JAKMIP2: variants seen among roughly 807,000 people sequenced by gnomAD.
JAKMIP2 encodes janus kinase and microtubule interacting protein 2.
A neutral mutation model predicts 115.0 loss-of-function variants in JAKMIP2; 25 were observed. The observed-to-expected ratio is 0.22, with a 90% CI of 0.16 to 0.30. The LOEUF (loss-of-function observed/expected upper bound fraction) is 0.30. Among genes scored for constraint, JAKMIP2 ranks in the 10% least tolerant of loss-of-function variants. JAKMIP2 has a pLI of 1.00. For missense variants in JAKMIP2, 642 were observed against 957.6 expected (o/e 0.67, Z 4.35); for synonymous variants, 334 against 343.6 (o/e 0.97, Z 0.31).
intron 13 of JAKMIP2, 52 bp downstream of exon 13, chr5:147,632,628 T>G: frequency 8.7e-7 from 1 of 1,155,118 alleles, no homozygotes; most frequent in South Asian, 1.3e-5. Flanking sequence ...ATGTGCTCTG[T>G]GCATGTTAAT....
Position 147,617,977 on chromosome 5 carries a change from C to T in JAKMIP2, c.2280G>A (p.Arg760=), listed in dbSNP as rs1191648305. Residue 760 remains arginine (R), a synonymous_variant, in exon 19 of 22, where the codon AGG becomes AGA. Coordinates refer to ENST00000616793, the MANE Select transcript of JAKMIP2 (RefSeq NM_001270941.2). ...AVEKLRRQML[R]KSREYDCQIL... Reference sequence around the variant, plus strand: ...TCTGACAGTCATACTCTCTGCTCTTCCTCAGCATTTGCCGCCGTAACTTTT... The same window carrying T: ...TCTGACAGTCATACTCTCTGCTCTTTCTCAGCATTTGCCGCCGTAACTTTT... 1 of 1,614,176 alleles carries T rather than the reference C, an allele frequency of 6.2e-7. No individual in the cohort carries two copies. The highest frequency in any genetic ancestry group is 8.5e-7 in the Non-Finnish European group (1 of 1,180,026).
intron 5 of JAKMIP2, 78 bp downstream of exon 5, chr5:147,648,298 C>T (rs889817533): frequency 1.3e-5 from 10 of 760,208 alleles, no homozygotes; most frequent in African/African-American, 3.5e-5. Context: ...TATTATGGTA[C>T]GTATCTATAA....
intron 20 of JAKMIP2, among the ~76,000 whole-genome samples, chr5:147,608,266 A>G (rs948426295): frequency 6.6e-6 from 1 of 152,132 alleles, no homozygotes; most frequent in East Asian, 1.9e-4. Flanking sequence ...TTGTGATGTT[A>G]GGGTGGTGAT....
chr5:147,639,546 T>A, intron 10 of JAKMIP2, 86 bp downstream of exon 10: 1 of 1,450,378 alleles, frequency 6.9e-7, no homozygotes, highest in Non-Finnish European at 9.3e-7. Flanking sequence ...GGGAAAGCTG[T>A]CTTATTGATA....
At chr5:147,653,907 C>A (rs537302947) in intron 3 of JAKMIP2, among the ~76,000 whole-genome samples, 1 of 152,242 alleles carries the variant, frequency 6.6e-6, no homozygotes, top group East Asian at 1.9e-4. Flanking sequence ...AGGAAGGGAT[C>A]CAGTTTCAGT....
At chr5:147,746,743 T>C (rs1489570200) in intron 1 of JAKMIP2, among the ~76,000 whole-genome samples, 1 of 152,152 alleles carries the variant, frequency 6.6e-6, no homozygotes, top group South Asian at 2.1e-4. Flanking sequence ...CTAAAAATGG[T>C]TATTACTCAG....
chr5:147,752,376 G>A (rs1201207036), intron 1 of JAKMIP2, among the ~76,000 whole-genome samples: 1 of 152,132 alleles, frequency 6.6e-6, no homozygotes, highest in Non-Finnish European at 1.5e-5. Flanking sequence ...TGAGTGACAT[G>A]ACCATATTTC....
chr5:147,591,448 T>G lies in JAKMIP2; in HGVS notation c.*259A>C. ...ATATATGTTTATAGTTCTTCTCTTC[T>G]GATTTGACATATACATGTTTCATTA... On this transcript the variant is annotated 3_prime_UTR_variant, in exon 22 of 22. Coordinates refer to ENST00000616793, the MANE Select transcript of JAKMIP2 (RefSeq NM_001270941.2). 1.9e-6 allele frequency: 1 copy of G among 536,150 alleles called. No individual in the cohort carries two copies. The highest frequency in any genetic ancestry group is 3.3e-6 in the Non-Finnish European group (1 of 300,326). 33.2% of individuals were successfully genotyped at this position (536,150 alleles called of 1,614,324 possible). A position where few individuals can be genotyped will look rare whatever the true frequency, so the allele number is the denominator to read the frequency against.
intron 21 of JAKMIP2, chr5:147,594,377 C>G: frequency 4.6e-6 from 2 of 433,780 alleles, no homozygotes; most frequent in Non-Finnish European, 9.5e-6. Flanking sequence ...CTTTGTTGCT[C>G]AGGATGGAGT....
chr5:147,647,460 C>T (rs1335716653), intron 5 of JAKMIP2, among the ~76,000 whole-genome samples: 1 of 151,868 alleles, frequency 6.6e-6, no homozygotes, highest in East Asian at 1.9e-4. Context: ...AAATGTACCA[C>T]AAGTGATGAT....
In JAKMIP2 at chr5:147,598,475, C is replaced by CATCT. The variant is rs879479149; in HGVS notation, c.*20+3262_*20+3265dup. ...ATCTATCTATCATCTATCTATGTATCATCTATCTATCTATCTATGCTATTG... is the reference window on the plus strand; with the variant it reads ...ATCTATCTATCATCTATCTATGTATCATCTATCTATCTATCTATCTATGCTATTG... On this transcript the variant is annotated intron_variant, in intron 21 of 21. Coordinates refer to ENST00000616793, the MANE Select transcript of JAKMIP2 (RefSeq NM_001270941.2). Among the ~76,000 whole-genome samples, 9 of 147,954 alleles carry CATCT rather than the reference C, an allele frequency of 6.1e-5. No individual in the cohort carries two copies. The South Asian group carries it at 6.4e-4, about 11-fold the overall frequency.
chr5:147,736,169 T>C (rs1437176359), intron 1 of JAKMIP2, among the ~76,000 whole-genome samples: 1 of 152,050 alleles, frequency 6.6e-6, no homozygotes. Flanking sequence ...AATTAAAAAT[T>C]TGGGGGCCGG....
chr5:147,704,219 A>T (rs1752482445), intron 1 of JAKMIP2, among the ~76,000 whole-genome samples: 1 of 152,210 alleles, frequency 6.6e-6, no homozygotes, highest in South Asian at 2.1e-4. Flanking sequence ...GTCTTTTATT[A>T]TCATTATCAA....
At chr5:147,633,698 T>TTC (rs1757474432) in intron 12 of JAKMIP2, among the ~76,000 whole-genome samples, 1 of 151,346 alleles carries the variant, frequency 6.6e-6, no homozygotes, top group African/African-American at 2.4e-5. Flanking sequence ...CTTTGGATTT[T>TTC]TTTTTTTTTT....
At chr5:147,727,483 C>G (rs1011435383) in intron 1 of JAKMIP2, among the ~76,000 whole-genome samples, 1 of 152,092 alleles carries the variant, frequency 6.6e-6, no homozygotes, top group Non-Finnish European at 1.5e-5. Context: ...AGCAAGGAAC[C>G]TTCTTCACAT....
chr5:147,672,993 G>C (rs1437646542), intron 1 of JAKMIP2, among the ~76,000 whole-genome samples: 4 of 152,154 alleles, frequency 2.6e-5, no homozygotes, highest in Admixed American at 6.5e-5. Flanking sequence ...CAAGCAATGG[G>C]AAAGCTATTG....
At chr5:147,757,731 C>G (rs553197029) in intron 1 of JAKMIP2, among the ~76,000 whole-genome samples, 7 of 152,206 alleles carry the variant, frequency 4.6e-5, no homozygotes, top group African/African-American at 1.7e-4. Context: ...GAATTTAACA[C>G]ATATTAATTG....
rs1000227461 is a variant in JAKMIP2, at chr5:147,588,499, C to T, written c.*3208G>A. 5 of 150,886 alleles carry T rather than the reference C, an allele frequency of 3.3e-5. No individual in the cohort carries two copies. Among genetic ancestry groups the T allele is most frequent in the African/African-American group, 1.2e-4 (5 of 40,990 alleles). The allele number at this position is 150,886 out of a possible 1,614,324, so 9.3% of individuals were successfully genotyped here. A position where few individuals can be genotyped will look rare whatever the true frequency, so the allele number is the denominator to read the frequency against. ...TCCATTTCCATGGATCCATGAGTGA[C>T]TGGAACACATATCCACAATTTTGCT... On this transcript the variant is annotated 3_prime_UTR_variant, in exon 22 of 22. Transcript: ENST00000616793.
chr5:147,691,216 T>C (rs1751832827), intron 1 of JAKMIP2, among the ~76,000 whole-genome samples: 1 of 151,994 alleles, frequency 6.6e-6, no homozygotes, highest in South Asian at 2.1e-4. Flanking sequence ...TGTAAACATA[T>C]TCCATTATTA....
Sources: allele counts gnomAD v4.1 joint callset (sites outside exome capture counted in the v4.1 genomes callset), GRCh38; gene constraint gnomAD v4.1.1; transcripts MANE v1.5; gene names NCBI Gene and HGNC (gene_info 2026-07-23, HGNC 2026-07-21).